The following SND1 variants were observed in gnomAD, a reference collection of about 807,000 sequenced individuals.
The protein encoded by SND1 is staphylococcal nuclease and tudor domain containing 1.
A neutral mutation model predicts 121.7 loss-of-function variants in SND1; 38 were observed. The ratio of observed to expected loss-of-function variants is 0.31; its 90% confidence interval spans 0.24 to 0.41. The LOEUF (loss-of-function observed/expected upper bound fraction) is 0.41, where lower values mean the gene tolerates loss of function less well. Ranked by LOEUF, SND1 falls within the 10% of genes least tolerant of loss-of-function variation. SND1 has a pLI of 1.00. For synonymous variants in SND1, 401 were observed against 447.4 expected, an observed-to-expected ratio of 0.90 and a Z score of 1.31; for missense variants, 868 against 1,184.6, an observed-to-expected ratio of 0.73 and a Z score of 3.92.
rs183642081 is a variant in SND1 at position 127,909,601 on chromosome 7, G to A, written c.1527+4782G>A. Among the ~76,000 whole-genome samples the A allele has an allele frequency of 9.9e-3, 1,505 of 152,182 alleles. 24 individuals are homozygous for A. The highest frequency in any genetic ancestry group is 0.014 in the Admixed American group (214 of 15,274). On this transcript the variant is annotated intron_variant, in intron 14 of 23. Transcript: ENST00000354725. ...GCCTCCTGAGTAACTGGGTCTACAG[G>A]TGCACACCATCACACCCACAGGATC...
chr7:128,036,014 T>C (rs1792743463), intron 16 of SND1, among the ~76,000 whole-genome samples: 1 of 152,244 alleles, frequency 6.6e-6, no homozygotes, highest in Non-Finnish European at 1.5e-5. Flanking sequence ...GGTAGGTCCA[T>C]CAGTGGCAGG....
At chr7:127,693,224 AATC>A (rs1795952093) in intron 2 of SND1, among the ~76,000 whole-genome samples, 1 of 152,096 alleles carries the variant, frequency 6.6e-6, no homozygotes, top group Admixed American at 6.5e-5. Flanking sequence ...ATCATTTGTC[AATC>A]ATCAGACTCT....
chr7:127,961,402 C>T (rs999808568), intron 15 of SND1, among the ~76,000 whole-genome samples: 5 of 151,998 alleles, frequency 3.3e-5, no homozygotes, highest in African/African-American at 9.7e-5. Context: ...ATCTTTATTC[C>T]GAGCCACTTG....
chr7:127,721,849 C>G (rs916958144), intron 10 of SND1, among the ~76,000 whole-genome samples: 6 of 152,156 alleles, frequency 3.9e-5, no homozygotes, highest in Non-Finnish European at 8.8e-5. Flanking sequence ...TATGTATTCA[C>G]TGGGGTCACC....
chr7:127,991,284 C>T (rs1802519015), intron 16 of SND1, among the ~76,000 whole-genome samples: 1 of 152,180 alleles, frequency 6.6e-6, no homozygotes, highest in African/African-American at 2.4e-5. Context: ...TGGTGGACAC[C>T]AGGCCAGCCC....
intron 10 of SND1, among the ~76,000 whole-genome samples, chr7:127,730,935 T>C (rs1341221909): frequency 4.6e-5 from 7 of 152,268 alleles, no homozygotes; most frequent in Admixed American, 6.5e-5. Context: ...TTTTTTCACA[T>C]GCTGTTGTCT....
chr7:127,813,714 A>G (rs1798374576), intron 11 of SND1, among the ~76,000 whole-genome samples: 1 of 152,090 alleles, frequency 6.6e-6, no homozygotes, highest in Non-Finnish European at 1.5e-5. Context: ...GGCACCTGCC[A>G]CCACACCTGG....
At chr7:128,012,727 T>A (rs1388474091) in intron 16 of SND1, among the ~76,000 whole-genome samples, 1 of 152,184 alleles carries the variant, frequency 6.6e-6, no homozygotes, top group Non-Finnish European at 1.5e-5. Context: ...GAAGCTTCCA[T>A]GCTACATTTA....
chr7:127,871,391 T>C (rs1315574407), intron 12 of SND1, among the ~76,000 whole-genome samples: 2 of 152,212 alleles, frequency 1.3e-5, no homozygotes, highest in East Asian at 3.8e-4. Flanking sequence ...GGTAGGTTTA[T>C]TTTTACCAGC....
chr7:127,905,513 C>G (rs1053709242), intron 14 of SND1, among the ~76,000 whole-genome samples: 10 of 152,140 alleles, frequency 6.6e-5, no homozygotes, highest in African/African-American at 2.4e-4. Flanking sequence ...AGGAATTGCT[C>G]TAAGCTCTGA....
chr7:128,055,965 G>A (rs1793135123), intron 16 of SND1, among the ~76,000 whole-genome samples: 1 of 152,152 alleles, frequency 6.6e-6, no homozygotes, highest in Admixed American at 6.5e-5. Flanking sequence ...AATTAGGCAG[G>A]ACTGAGTTCA....
At chr7:127,852,053 G>A (rs996122556) in intron 12 of SND1, among the ~76,000 whole-genome samples, 9 of 152,008 alleles carry the variant, frequency 5.9e-5, no homozygotes, top group African/African-American at 1.7e-4. Context: ...TGAGCTATTC[G>A]GAAGGCTGAG....
intron 1 of SND1, among the ~76,000 whole-genome samples, chr7:127,656,881 A>G (rs1562969215): frequency 6.6e-6 from 1 of 152,206 alleles, no homozygotes; most frequent in Non-Finnish European, 1.5e-5. Flanking sequence ...TAGAAGGGCC[A>G]TTTATGAAGA....
chr7:128,092,138 C>T lies in SND1; in HGVS notation c.*80C>T. 1 of 1,421,916 alleles carries T rather than the reference C, an allele frequency of 7.0e-7. No homozygotes were observed. The highest frequency in any genetic ancestry group is 9.9e-7 in the Non-Finnish European group (1 of 1,009,338). 88.1% of individuals were successfully genotyped at this position (1,421,916 alleles called of 1,614,324 possible). A position where few individuals can be genotyped will look rare whatever the true frequency, so the allele number is the denominator to read the frequency against. On this transcript the variant is annotated 3_prime_UTR_variant, in exon 24 of 24. Coordinates refer to ENST00000354725, the MANE Select transcript of SND1 (RefSeq NM_014390.4). This position sits in a 1 kb window ranked among gnomAD's most constrained non-coding sequence, Gnocchi z 4.9. ...CCGGGAGGGTGTTTTCAACTCCAAACCCCAGAGAGGGGTTGTAGATTGGGT... is the reference window on the plus strand; with the variant it reads ...CCGGGAGGGTGTTTTCAACTCCAAATCCCAGAGAGGGGTTGTAGATTGGGT...
At position 127,796,047 on chromosome 7, in the gene SND1, C is replaced by T. The variant is rs184850734; in HGVS notation, c.1153-11437C>T. ...TAATTTTTTATATTTTTAGTGGAGA[C>T]GGGGTTTCACCATGTTAGCCAGGAT... is the stretch of plus-strand genomic sequence containing the variant. On this transcript the variant is annotated intron_variant, in intron 10 of 23. Coordinates refer to ENST00000354725, the MANE Select transcript of SND1 (RefSeq NM_014390.4). Among the ~76,000 whole-genome samples the T allele has an allele frequency of 6.5e-4, 98 of 151,784 alleles. 1 individual carries two copies. The highest frequency in any genetic ancestry group is 3.4e-3 in the Middle Eastern group (1 of 294).
intron 15 of SND1, 74 bp from the exon 16 acceptor site, chr7:127,990,873 G>A: frequency 1.0e-6 from 1 of 995,696 alleles, no homozygotes; most frequent in African/African-American, 1.6e-5. Flanking sequence ...GGAGGTGTCA[G>A]GGGACCGTCC....
At chr7:128,053,908 G>A (rs1793091525) in intron 16 of SND1, among the ~76,000 whole-genome samples, 1 of 152,174 alleles carries the variant, frequency 6.6e-6, no homozygotes, top group Admixed American at 6.5e-5. Context: ...GTGGAGTGCA[G>A]CAGTCAAAGC....
intron 15 of SND1, 97 bp from the exon 16 acceptor site, chr7:127,990,850 C>A (rs1250227790): frequency 4.1e-6 from 3 of 736,390 alleles, no homozygotes; most frequent in South Asian, 3.5e-5. Flanking sequence ...TTAGATGTAA[C>A]GCCTGCTTCA....
intron 14 of SND1, among the ~76,000 whole-genome samples, chr7:127,919,207 A>T (rs554310199): frequency 6.6e-6 from 1 of 152,322 alleles, no homozygotes; most frequent in South Asian, 2.1e-4. Flanking sequence ...GCCTTTACTA[A>T]CATTTATTTT....
Sources: allele counts gnomAD v4.1 joint callset (sites outside exome capture counted in the v4.1 genomes callset), GRCh38; gene constraint gnomAD v4.1.1; non-coding constraint Gnocchi (gnomAD v3.1); transcripts MANE v1.5; gene names NCBI Gene and HGNC (gene_info 2026-07-23, HGNC 2026-07-21).